Variants in RBFOX1 observed in about 807,000 individuals in gnomAD.
The protein encoded by RBFOX1 is RNA binding protein fox-1 homolog 1.
RBFOX1 carries 8 observed loss-of-function variants against 57.7 expected under a neutral mutation model. The ratio of observed to expected loss-of-function variants is 0.14; its 90% CI spans 0.08 to 0.25. RBFOX1 has a LOEUF of 0.25. RBFOX1 is among the 10% of genes least tolerant of loss of function. The pLI is 1.00. For synonymous variants in RBFOX1, 326 were observed against 222.4 expected, an observed-to-expected ratio of 1.47 and a Z score of -4.15; for missense variants, 611 against 548.5, an observed-to-expected ratio of 1.11 and a Z score of -1.14.
intron 3 of RBFOX1, among the ~76,000 whole-genome samples, chr16:6,697,482 AC>A (rs1288628935): frequency 2.0e-5 from 3 of 152,174 alleles, no homozygotes; most frequent in African/African-American, 7.2e-5. Flanking sequence ...GAATCCAAAA[AC>A]TAAATGATGT....
intron 3 of RBFOX1, among the ~76,000 whole-genome samples, chr16:6,861,498 C>G (rs372206922): frequency 4.6e-4 from 63 of 137,304 alleles, no homozygotes; most frequent in African/African-American, 1.4e-3. Flanking sequence ...CCCCCCCCGA[C>G]TCAATTACAA....
intron 5 of RBFOX1, among the ~76,000 whole-genome samples, chr16:7,532,565 C>T (rs923424169): frequency 8.5e-5 from 13 of 152,182 alleles, no homozygotes; most frequent in African/African-American, 2.9e-4. Flanking sequence ...CCTAGTCTAG[C>T]TGTGGATGGG....
chr16:7,257,800 A>G (rs1379193717), intron 4 of RBFOX1, among the ~76,000 whole-genome samples: 3 of 152,224 alleles, frequency 2.0e-5, no homozygotes, highest in African/African-American at 4.8e-5. Context: ...TGCAAGAGCT[A>G]TCATCGTTGA....
chr16:7,347,411 A>C (rs544936875), intron 4 of RBFOX1, among the ~76,000 whole-genome samples: 1 of 152,134 alleles, frequency 6.6e-6, no homozygotes, highest in Non-Finnish European at 1.5e-5. Flanking sequence ...ATCAGGTTTC[A>C]TGAGACTTGT....
intron 4 of RBFOX1, among the ~76,000 whole-genome samples, chr16:7,458,967 A>C (rs536941417): frequency 6.6e-6 from 1 of 152,212 alleles, no homozygotes; most frequent in Admixed American, 6.5e-5. Context: ...AGTGCCTTTC[A>C]CAAAGTAGGT....
intron 3 of RBFOX1, among the ~76,000 whole-genome samples, chr16:5,773,814 C>T (rs2054056336): frequency 6.6e-6 from 1 of 152,130 alleles, no homozygotes; most frequent in Non-Finnish European, 1.5e-5. Context: ...TCTACTGCCT[C>T]AACCTCCTGA....
intron 4 of RBFOX1, among the ~76,000 whole-genome samples, chr16:5,944,678 G>A (rs1212257120): frequency 6.6e-6 from 1 of 151,190 alleles, no homozygotes; most frequent in Admixed American, 6.6e-5. Flanking sequence ...TTCTCGGCCA[G>A]GTGTGGTGGC....
At chr16:5,438,560 A>G (rs1424929077) in intron 1 of RBFOX1, among the ~76,000 whole-genome samples, 1 of 152,086 alleles carries the variant, frequency 6.6e-6, no homozygotes, top group Non-Finnish European at 1.5e-5. Context: ...CCACCCAGCT[A>G]GTTCTCCTAT....
intron 13 of RBFOX1, among the ~76,000 whole-genome samples, chr16:7,675,217 A>T (rs1373058023): frequency 6.6e-6 from 1 of 150,590 alleles, no homozygotes; most frequent in Admixed American, 6.6e-5. Context: ...AAACCTGGTG[A>T]CCCAATTTCT....
intron 3 of RBFOX1, among the ~76,000 whole-genome samples, chr16:5,759,634 T>A (rs1261185223): frequency 6.6e-6 from 1 of 152,176 alleles, no homozygotes; most frequent in Admixed American, 6.5e-5. Flanking sequence ...TCCATTTGGG[T>A]AGAAGCAAAG....
chr16:6,214,564 GA>G (rs1401220640), intron 1 of RBFOX1, among the ~76,000 whole-genome samples: 1 of 125,624 alleles, frequency 8.0e-6, no homozygotes, highest in Admixed American at 7.9e-5. Context: ...GGGGGAGAGG[GA>G]GGGGGGAGAG....
At chr16:7,642,057 G>C (rs942786650) in intron 11 of RBFOX1, among the ~76,000 whole-genome samples, 5 of 152,192 alleles carry the variant, frequency 3.3e-5, no homozygotes, top group Non-Finnish European at 5.9e-5. Context: ...TGAGATTGCA[G>C]TGATCCATGA....
At chr16:5,400,716 C>T (rs538432224) in intron 1 of RBFOX1, among the ~76,000 whole-genome samples, 1 of 151,936 alleles carries the variant, frequency 6.6e-6, no homozygotes, top group Non-Finnish European at 1.5e-5. Context: ...GAAGGATTCC[C>T]AGTGTATTTT....
intron 1 of RBFOX1, among the ~76,000 whole-genome samples, chr16:5,389,479 C>G (rs2066345358): frequency 6.6e-6 from 1 of 152,076 alleles, no homozygotes; most frequent in African/African-American, 2.4e-5. Context: ...CAAATGTCTC[C>G]AGACATCGCC....
intron 2 of RBFOX1, among the ~76,000 whole-genome samples, chr16:6,544,365 C>A (rs779130993): frequency 6.6e-6 from 1 of 152,170 alleles, no homozygotes; most frequent in Non-Finnish European, 1.5e-5. Flanking sequence ...ACCTTTTCCC[C>A]TCTTGCAATC....
intron 1 of RBFOX1, among the ~76,000 whole-genome samples, chr16:5,271,592 G>C (rs1267539417): frequency 6.6e-6 from 1 of 152,224 alleles, no homozygotes; most frequent in Non-Finnish European, 1.5e-5. Flanking sequence ...GTATTGTGCT[G>C]AACATCATCT....
chr16:7,543,667 CTGTGTGTGTGTG>C (rs71150310), intron 5 of RBFOX1, among the ~76,000 whole-genome samples: 58,901 of 141,212 alleles, frequency 0.42, 14,235 homozygotes, highest in Middle Eastern at 0.59. Flanking sequence ...TGGGCAGTAT[CTGTGTGTGTGTG>C]TGTGTGTGTG....
Position 6,658,948 on chromosome 16 carries a change from T to TTTTTG in RBFOX1, c.-16+4302_-16+4303insGTTTT, listed in dbSNP as rs1360209901. Reference sequence around the variant, plus strand: ...TTTTGGTTTTTTTGTTTTTTTTGTTTTTTTTTTTCCTCCTGCAGGTGAACG... The same window carrying TTTTTG: ...TTTTGGTTTTTTTGTTTTTTTTGTTTTTTTGTTTTTTTTCCTCCTGCAGGTGAACG... On this transcript the variant is annotated intron_variant, in intron 3 of 15. Coordinates refer to ENST00000550418, the MANE Select transcript of RBFOX1 (RefSeq NM_018723.4). Among the ~76,000 whole-genome samples the TTTTTG allele has an allele frequency of 6.1e-4, 92 of 151,430 alleles. No individual in the cohort carries two copies. In the East Asian group the frequency reaches 7.4e-3, roughly 12 times the overall value.
intron 1 of RBFOX1, among the ~76,000 whole-genome samples, chr16:5,401,398 A>C (rs570431): frequency 6.6e-6 from 1 of 151,994 alleles, no homozygotes; most frequent in African/African-American, 2.4e-5. Flanking sequence ...GTGGTTCAGC[A>C]ATGTCCGTGC....
Sources: gnomAD v4.1 joint callset for allele counts (sites outside exome capture counted in the v4.1 genomes callset) on GRCh38, gnomAD v4.1.1 for gene constraint, MANE v1.5 for transcripts, NCBI Gene and HGNC (gene_info 2026-07-23, HGNC 2026-07-21) for gene names.